Variants in ANPEP observed in about 807,000 individuals in gnomAD.
ANPEP encodes alanyl aminopeptidase, membrane, also known as aminopeptidase N.
In ANPEP, 70 loss-of-function variants were observed where a neutral mutation model predicts 114.6. The observed-to-expected ratio is 0.61, with a 90% confidence interval of 0.50 to 0.75. ANPEP has a LOEUF of 0.75. Ranked by LOEUF, ANPEP falls within the 30% of genes least tolerant of loss-of-function variation. The pLI, the probability that ANPEP is intolerant of heterozygous loss-of-function variation, is 0.00. For missense variants in ANPEP, 1,184 were observed against 1,259.5 expected (o/e 0.94, Z 0.91); for synonymous variants, 548 against 522.3 (o/e 1.05, Z -0.67).
chr15:89,797,841 T>C, intron 14 of ANPEP, 119 bp from the exon 15 acceptor site: 1 of 1,379,044 alleles, frequency 7.3e-7, no homozygotes, highest in East Asian at 2.3e-5. Context: ...TATCCACTCC[T>C]GGAGCCGGAG....
chr15:89,812,367 G>A (rs1894831708), intron 1 of ANPEP, among the ~76,000 whole-genome samples: 1 of 152,206 alleles, frequency 6.6e-6, no homozygotes, highest in African/African-American at 2.4e-5. Context: ...CCTGGGCCAG[G>A]GCACACTCTG....
chr15:89,798,809 G>A (rs892327725), intron 14 of ANPEP, among the ~76,000 whole-genome samples: 4 of 152,116 alleles, frequency 2.6e-5, no homozygotes, highest in Admixed American at 6.6e-5. Context: ...GCATGGTGGT[G>A]CACACCTGTA....
Position 89,799,164 on chromosome 15 carries a change from G to T in ANPEP, c.2009+96C>A. On this transcript the variant is annotated intron_variant, in intron 14 of 20. Coordinates refer to ENST00000300060, the MANE Select transcript of ANPEP (RefSeq NM_001150.3). The surrounding 1 kb of genome is among the most constrained non-coding windows in gnomAD (Gnocchi z 4.2). The stretch of plus-strand genomic sequence containing the variant: ...GCTCAGGGCACAGCACGTGGCATAT[G>T]GGAAGGGCAGCAGGAGGAGCAGGGG... 7.0e-7 allele frequency: 1 copy of T among 1,436,194 alleles called. No homozygotes were observed. Among genetic ancestry groups the T allele is most frequent in the South Asian group, 1.2e-5 (1 of 85,574 alleles). 89.0% of individuals were successfully genotyped at this position (1,436,194 alleles called of 1,614,324 possible). A position where few individuals can be genotyped will look rare whatever the true frequency, so the allele number is the denominator to read the frequency against.
chr15:89,785,261 C>T lies in ANPEP; in HGVS notation c.*88G>A. On this transcript the variant is annotated 3_prime_UTR_variant, in exon 21 of 21. Transcript: ENST00000300060. ...GAGGGGAGGACACTGGTGCCTCGGG[C>T]TCCAGGAATGGAGGCCCTGCACCAG... 1 of 1,539,924 alleles carries T rather than the reference C, an allele frequency of 6.5e-7. No homozygotes were observed. Among genetic ancestry groups the T allele is most frequent in the Non-Finnish European group, 8.9e-7 (1 of 1,125,222 alleles).
In ANPEP at chr15:89,804,008, G is replaced by T. The variant is rs763012818; in HGVS notation, c.1180-6C>A. Reference sequence around the variant, plus strand: ...GTCACCAGGTTCCCGAACCACTGTGGGGGGAGGGGTCAGCTGGGCAAGCCA... The same window carrying T: ...GTCACCAGGTTCCCGAACCACTGTGTGGGGAGGGGTCAGCTGGGCAAGCCA... On this transcript the variant is annotated splice_region_variant and splice_polypyrimidine_tract_variant and intron_variant, in intron 6 of 20. Coordinates refer to ENST00000300060, the MANE Select transcript of ANPEP (RefSeq NM_001150.3). The T allele has an allele frequency of 2.0e-5, 32 of 1,613,638 alleles. No individual in the cohort carries two copies. Among genetic ancestry groups the T allele is most frequent in the African/African-American group, 4.0e-5 (3 of 74,920 alleles).
In ANPEP at chr15:89,805,971, T is replaced by C. The variant is rs1894702420; in HGVS notation, c.613A>G (p.Lys205Glu). Residue 205 changes from lysine (K) to glutamate (E), a missense_variant and splice_region_variant, in exon 2 of 21, where the codon AAG becomes GAG. Transcript: ENST00000300060. The stretch of plus-strand genomic sequence containing the variant: ...CCGGGCAGCCCAGCCGGAACTCACT[T>C]TCTGACATTGCCCTCCATGTACTCG... ...RSEYMEGNVR[K>E]VVATTQMQAA... The C allele has an allele frequency of 6.3e-7, 1 of 1,582,692 alleles. No individual in the cohort carries two copies. Among genetic ancestry groups the C allele is most frequent in the African/African-American group, 1.3e-5 (1 of 74,534 alleles).
chr15:89,806,431 C>A lies in ANPEP; in HGVS notation c.153G>T (p.Pro51=). The change falls in exon 2 of 21, where the codon CCG becomes CCT. Residue 51 remains proline (P), a synonymous_variant. Coordinates refer to ENST00000300060, the MANE Select transcript of ANPEP (RefSeq NM_001150.3). The surrounding 1 kb of genome is among the most constrained non-coding windows in gnomAD (Gnocchi z 5.7). ...ANSSPVASTT[P]SASATTNPAS... ...CGGGGTTGGTGGTGGCTGAGGCGGA[C>A]GGGGTGGTGGAGGCCACGGGGGAGC... 6.2e-7 allele frequency: 1 copy of A among 1,613,774 alleles called. No homozygotes were observed. Among genetic ancestry groups the A allele is most frequent in the Non-Finnish European group, 8.5e-7 (1 of 1,179,778 alleles).
At position 89,797,704 on chromosome 15, in the gene ANPEP, G is replaced by A. The variant is rs145506738; in HGVS notation, c.2028C>T (p.Val676=). The change falls in exon 15 of 21, where the codon GTC becomes GTT. Residue 676 remains valine (V), a synonymous_variant. Coordinates refer to ENST00000300060, the MANE Select transcript of ANPEP (RefSeq NM_001150.3). ...FNLASAHKVP[V]TLALNNTLFL... Reference sequence around the variant, plus strand: ...AGAGGGTGTTGTTCAGCGCCAGAGTGACAGGGACCTTATGGGCACTGGGAA... The same window carrying A: ...AGAGGGTGTTGTTCAGCGCCAGAGTAACAGGGACCTTATGGGCACTGGGAA... The A allele has an allele frequency of 4.0e-5, 65 of 1,614,130 alleles. No homozygotes were observed. In the African/African-American group the frequency reaches 6.5e-4, roughly 16 times the overall value.
Position 89,792,347 on chromosome 15 carries a change from TCAGGTGTGGAA to T in ANPEP, c.2361-31_2361-21del. On this transcript the variant is annotated intron_variant, in intron 17 of 20. Coordinates refer to ENST00000300060, the MANE Select transcript of ANPEP (RefSeq NM_001150.3). ...TGGATCCTGGTGTGGGGTAGGGAGGTCAGGTGTGGAACAGCAGCGGGGAGGGTGGGACAGGG... is the reference window on the plus strand; with the variant it reads ...TGGATCCTGGTGTGGGGTAGGGAGGTCAGCAGCGGGGAGGGTGGGACAGGG... The T allele has an allele frequency of 6.2e-7, 1 of 1,613,408 alleles. No homozygotes were observed. Among genetic ancestry groups the T allele is most frequent in the Admixed American group, 1.7e-5 (1 of 59,982 alleles).
At chr15:89,785,833 A>G (rs1968497653) in intron 20 of ANPEP, among the ~76,000 whole-genome samples, 1 of 152,184 alleles carries the variant, frequency 6.6e-6, no homozygotes, top group South Asian at 2.1e-4. Flanking sequence ...TTTCTATACC[A>G]CAAATGATCC....
At position 89,804,605 on chromosome 15, in the gene ANPEP, C is replaced by A; in HGVS notation, c.910G>T (p.Ala304Ser). ...ASNGVLIRIW[A>S]RPSAIAAGHG... Reference sequence around the variant, plus strand: ...CCCGCCGCAATGGCACTGGGCCGGGCCCAGATCCGGATCTGCAAGGTGTGA... The same window carrying A: ...CCCGCCGCAATGGCACTGGGCCGGGACCAGATCCGGATCTGCAAGGTGTGA... Residue 304 changes from alanine (A) to serine (S), a missense_variant, in exon 5 of 21, where the codon GCC (alanine) becomes TCC (serine). Coordinates refer to ENST00000300060, the MANE Select transcript of ANPEP (RefSeq NM_001150.3). 2 of 1,613,786 alleles carry A rather than the reference C, an allele frequency of 1.2e-6. No individual in the cohort carries two copies. Among genetic ancestry groups the A allele is most frequent in the South Asian group, 1.1e-5 (1 of 91,064 alleles).
chr15:89,814,560 G>A (rs1317668670), intron 1 of ANPEP, among the ~76,000 whole-genome samples: 1 of 152,184 alleles, frequency 6.6e-6, no homozygotes, highest in Non-Finnish European at 1.5e-5. Context: ...GGACCCACTT[G>A]ACCGCGAGAT....
In ANPEP at chr15:89,803,357, C is replaced by T; in HGVS notation, c.1504-53G>A. On this transcript the variant is annotated intron_variant, in intron 9 of 20. Coordinates refer to ENST00000300060, the MANE Select transcript of ANPEP (RefSeq NM_001150.3). The surrounding 1 kb of genome is among the most constrained non-coding windows in gnomAD (Gnocchi z 4.2). ...CACAGCTGGAGCCCCCCAGGCTCCCCCTCTGTGGTGGGCAGAGGCCCGGGT... is the reference window on the plus strand; with the variant it reads ...CACAGCTGGAGCCCCCCAGGCTCCCTCTCTGTGGTGGGCAGAGGCCCGGGT... The T allele has an allele frequency of 6.2e-7, 1 of 1,613,288 alleles. No homozygotes were observed. Among genetic ancestry groups the T allele is most frequent in the Non-Finnish European group, 8.5e-7 (1 of 1,179,252 alleles).
At chr15:89,798,490 A>T (rs1968771218) in intron 14 of ANPEP, among the ~76,000 whole-genome samples, 1 of 152,056 alleles carries the variant, frequency 6.6e-6, no homozygotes, top group Non-Finnish European at 1.5e-5. Flanking sequence ...TGCAAAAATC[A>T]GCTGGGCATG....
chr15:89,806,062 G>A lies in ANPEP; in HGVS notation c.522C>T (p.Ser174=), dbSNP rs773550625. ...VHLKGSLVKD[S]QYEMDSEFEG... ...CGAACTCGCTGTCCATCTCATACTG[G>A]CTGTCCTTCACCAGGGAGCCCTTGA... Residue 174 remains serine (S), a synonymous_variant, in exon 2 of 21, where the codon AGC becomes AGT. Coordinates refer to ENST00000300060, the MANE Select transcript of ANPEP (RefSeq NM_001150.3). The surrounding 1 kb of genome is among the most constrained non-coding windows in gnomAD (Gnocchi z 5.7). 1.2e-6 allele frequency: 2 copies of A among 1,613,906 alleles called. No homozygotes were observed. Among genetic ancestry groups the A allele is most frequent in the Non-Finnish European group, 1.7e-6 (2 of 1,179,866 alleles).
At chr15:89,810,156 G>C (rs564404184) in intron 1 of ANPEP, among the ~76,000 whole-genome samples, 1 of 152,248 alleles carries the variant, frequency 6.6e-6, no homozygotes, top group East Asian at 1.9e-4. Flanking sequence ...GAGGTGGGCA[G>C]ATCACGAGGT....
At position 89,791,077 on chromosome 15, in the gene ANPEP, G is replaced by T; in HGVS notation, c.2545C>A (p.Leu849Met). 6.2e-7 allele frequency: 1 copy of T among 1,614,190 alleles called. No individual in the cohort carries two copies. Among genetic ancestry groups the T allele is most frequent in the Non-Finnish European group, 8.5e-7 (1 of 1,180,016 alleles). ...TGCTTCCGGATTAAGTCCGGGTTCA[G>T]GGTGTAGCTCAGGTACCTAAGAGGG... is the stretch of plus-strand genomic sequence containing the variant. ...WILNRYLSYT[L>M]NPDLIRKQDA... The change falls in exon 19 of 21, where the codon CTG becomes ATG. Residue 849 changes from leucine (L) to methionine (M), a missense_variant. Leu to Met is a conservative substitution (Grantham distance 15). Coordinates refer to ENST00000300060, the MANE Select transcript of ANPEP (RefSeq NM_001150.3).
At chr15:89,812,282 G>A (rs1447662180) in intron 1 of ANPEP, among the ~76,000 whole-genome samples, 1 of 152,258 alleles carries the variant, frequency 6.6e-6, no homozygotes, top group East Asian at 1.9e-4. Context: ...ATGAGACTGG[G>A]AGCTCAGGGA....
At chr15:89,804,717 G>A (rs922088681) in intron 4 of ANPEP, 100 bp from the exon 5 acceptor site, 1 of 1,494,674 alleles carries the variant, frequency 6.7e-7, no homozygotes, top group Non-Finnish European at 9.0e-7. Context: ...ATCCCTGATG[G>A]GCCAGGGCTG....
Sources: allele counts gnomAD v4.1 joint callset (sites outside exome capture counted in the v4.1 genomes callset), GRCh38; gene constraint gnomAD v4.1.1; non-coding constraint Gnocchi (gnomAD v3.1); transcripts MANE v1.5; gene names NCBI Gene and HGNC (gene_info 2026-07-23, HGNC 2026-07-21).